C4orf51: variants seen among roughly 807,000 people sequenced by gnomAD.
The protein encoded by C4orf51 is chromosome 4 open reading frame 51.
A neutral mutation model predicts 25.2 loss-of-function variants in C4orf51; 25 were observed. The observed-to-expected ratio is 0.99, with a 90% CI of 0.72 to 1.39. C4orf51 has a LOEUF of 1.39. C4orf51 is among the 40% of genes most tolerant of loss of function. The pLI is 0.00. For missense variants in C4orf51, 252 were observed against 239.6 expected, an observed-to-expected ratio of 1.05 and a Z score of -0.34; for synonymous variants, 100 against 84.5, an observed-to-expected ratio of 1.18 and a Z score of -1.01.
chr4:145,727,996 TTA>T (rs1315989248), intron 3 of C4orf51, among the ~76,000 whole-genome samples: 9 of 131,326 alleles, frequency 6.9e-5, no homozygotes, highest in South Asian at 2.2e-4. Context: ...ATATAATATA[TTA>T]TATATATAAT....
chr4:145,696,611 C>A lies in C4orf51; in HGVS notation c.286C>A (p.Gln96Lys). ...TCATCTTCTCTGCTGGGCTGGTACCCAAGAGACTACAGATATCAAAGGTAA... is the reference window on the plus strand; with the variant it reads ...TCATCTTCTCTGCTGGGCTGGTACCAAAGAGACTACAGATATCAAAGGTAA... ...ACHLLCWAGT[Q>K]ETTDIKGLFP... The change falls in exon 2 of 6, where the codon CAA becomes AAA. Residue 96 changes from glutamine (Q) to lysine (K), a missense_variant. Transcript: ENST00000438731. 1 of 1,613,400 alleles carries A rather than the reference C, an allele frequency of 6.2e-7. No homozygotes were observed. The highest frequency in any genetic ancestry group is 8.5e-7 in the Non-Finnish European group (1 of 1,179,500).
chr4:145,723,899 G>T (rs1336319835), intron 2 of C4orf51, among the ~76,000 whole-genome samples: 1 of 152,196 alleles, frequency 6.6e-6, no homozygotes, highest in Non-Finnish European at 1.5e-5. Flanking sequence ...TCCAACATAT[G>T]TGAGCTTAAC....
chr4:145,789,249 G>GA, the C4orf51 span, among the ~76,000 whole-genome samples: 2 of 152,032 alleles, frequency 1.3e-5, no homozygotes, highest in African/African-American at 2.4e-5. Flanking sequence ...TATTATGGGG[G>GA]AAAAACAGAT....
chr4:145,715,315 C>CG (rs1349127388), intron 2 of C4orf51, among the ~76,000 whole-genome samples: 5 of 152,192 alleles, frequency 3.3e-5, no homozygotes, highest in Non-Finnish European at 5.9e-5. Flanking sequence ...TTTGCAGCCT[C>CG]CCTCACCACT....
chr4:145,697,769 G>A (rs779751193), intron 2 of C4orf51, among the ~76,000 whole-genome samples: 2 of 152,268 alleles, frequency 1.3e-5, no homozygotes, highest in East Asian at 1.9e-4. Context: ...TGATGGACAC[G>A]TAAGTTGTTT....
chr4:145,767,371 G>A (rs559346724), intron 1 of C4orf51, among the ~76,000 whole-genome samples: 10 of 152,134 alleles, frequency 6.6e-5, no homozygotes, highest in African/African-American at 2.4e-4. Context: ...AATGAAAAGA[G>A]CATCAGTGAA....
chr4:145,687,126 CAA>C (rs1729212591), intron 1 of C4orf51, among the ~76,000 whole-genome samples: 1 of 152,162 alleles, frequency 6.6e-6, no homozygotes, highest in African/African-American at 2.4e-5. Flanking sequence ...CCATTCTATT[CAA>C]AGTCACACCT....
intron 2 of C4orf51, among the ~76,000 whole-genome samples, chr4:145,700,563 T>C (rs1389123139): frequency 2.0e-5 from 3 of 152,156 alleles, no homozygotes; most frequent in Non-Finnish European, 2.9e-5. Context: ...CTTTCAATTT[T>C]TCCATCCTAC....
At position 145,741,157 on chromosome 4, in the gene C4orf51, T is replaced by C. The variant is rs191469285; in HGVS notation, n.167+8538T>C. 2.1e-3 allele frequency among the ~76,000 whole-genome samples: 316 copies of C among 152,320 alleles called. 1 individual carries two copies. The highest frequency in any genetic ancestry group is 7.1e-3 in the African/African-American group (294 of 41,560). ...CTTTGAAACTTCAAGGTTTACCTTT[T>C]AGCTGTAATATTCCGGAATTTGGTG... is the stretch of plus-strand genomic sequence containing the variant. On this transcript the variant is annotated intron_variant and non_coding_transcript_variant, in intron 1 of 1. Transcript: ENST00000508981.
intron 1 of C4orf51, among the ~76,000 whole-genome samples, chr4:145,748,376 AT>A (rs1268867879): frequency 6.6e-6 from 1 of 151,898 alleles, no homozygotes; most frequent in African/African-American, 2.4e-5. Flanking sequence ...TGTTTTCTTC[AT>A]TTCAATTTCA....
chr4:145,680,286 G>C lies in C4orf51; in HGVS notation c.83G>C (p.Arg28Pro), dbSNP rs775251545. The part of the protein sequence containing the change: ...LTSQEFDLIR[R>P]KAGASWQDET... ...TCTCAAGAGTTTGATCTGATCAGAC[G>C]CAAGGCTGGAGCATCTTGGCAGGAT... Residue 28 changes from arginine to proline, a missense_variant, in exon 1 of 6, where the codon CGC becomes CCC. Physicochemically the swap from Arg to Pro is moderately radical, Grantham distance 103 (BLOSUM62 -2). Transcript: ENST00000438731. The C allele has an allele frequency of 6.2e-7, 1 of 1,613,896 alleles. No homozygotes were observed. The highest frequency in any genetic ancestry group is 1.1e-5 in the South Asian group (1 of 91,086).
Position 145,761,098 on chromosome 4 carries a change from C to T in C4orf51, n.167-9890C>T, listed in dbSNP as rs747792211. ...AACTGACAGGGGAGACAGGAGATTC[C>T]GGGAGCTCCCGACCACCAGGAGCGG... On this transcript the variant is annotated intron_variant and non_coding_transcript_variant, in intron 1 of 1. Coordinates refer to the C4orf51 transcript ENST00000510096. The surrounding 1 kb of genome is among the most constrained non-coding windows in gnomAD (Gnocchi z 6.8). 6.0e-5 allele frequency: 77 copies of T among 1,289,430 alleles called. No homozygotes were observed. The highest frequency in any genetic ancestry group is 2.1e-4 in the Middle Eastern group (1 of 4,710). The allele number at this position is 1,289,430 out of a possible 1,614,324, so 79.9% of individuals were successfully genotyped here.
downstream of C4orf51, chr4:145,775,924 G>A: frequency 6.2e-7 from 1 of 1,614,224 alleles, no homozygotes; most frequent in Non-Finnish European, 8.5e-7. Context: ...GCACTTAGCA[G>A]CATAGGGGCA....
chr4:145,776,017 C>T (rs1398643254), downstream of C4orf51: 4 of 1,599,326 alleles, frequency 2.5e-6, no homozygotes, highest in Admixed American at 6.7e-5. Flanking sequence ...GAAGTCCCAA[C>T]ACCTTGCAAG....
At chr4:145,730,083 T>C (rs1732377057) in intron 5 of C4orf51, 118 bp downstream of exon 5, 1 of 795,676 alleles carries the variant, frequency 1.3e-6, no homozygotes, top group Non-Finnish European at 2.1e-6. Context: ...AGAGTTGGTA[T>C]AAAAGTATTC....
rs1732365980 is a variant in C4orf51 at position 145,729,906 on chromosome 4, A to G, written c.442A>G (p.Lys148Glu). The change falls in exon 5 of 6, where the codon AAG (lysine) becomes GAG (glutamate). Residue 148 changes from lysine to glutamate, a missense_variant. Lys to Glu is a moderately conservative substitution (Grantham distance 56). Coordinates refer to ENST00000438731, the MANE Select transcript of C4orf51 (RefSeq NM_001080531.3). ...NYGKYCVRPK[K>E]PAQEALINYS... ...CTTCACCCTAGGTGTGAGACCTAAA[A>G]AGCCAGCACAGGAGGCCCTGATAAA... 2 of 1,613,780 alleles carry G rather than the reference A, an allele frequency of 1.2e-6. No individual in the cohort carries two copies. The highest frequency in any genetic ancestry group is 2.7e-5 in the African/African-American group (2 of 74,928).
At chr4:145,779,296 G>A in the C4orf51 span, 1 of 1,527,994 alleles carries the variant, frequency 6.5e-7, no homozygotes, top group Non-Finnish European at 8.8e-7. Flanking sequence ...GCCTCTCTTA[G>A]AGAAACTCAG....
At chr4:145,787,407 A>T in the C4orf51 span, among the ~76,000 whole-genome samples, 1 of 147,646 alleles carries the variant, frequency 6.8e-6, no homozygotes, top group East Asian at 2.0e-4. Context: ...GATTGCAGTG[A>T]GCTGAGACCA....
At chr4:145,733,892 G>T (rs1732655041), downstream of C4orf51, among the ~76,000 whole-genome samples, 1 of 152,176 alleles carries the variant, frequency 6.6e-6, no homozygotes, top group Non-Finnish European at 1.5e-5. Flanking sequence ...TTTAGGTTCC[G>T]AGTCTAGTAC....
Sources: gnomAD v4.1 joint callset for allele counts (sites outside exome capture counted in the v4.1 genomes callset) on GRCh38, gnomAD v4.1.1 for gene constraint, Gnocchi (gnomAD v3.1) non-coding constraint, MANE v1.5 for transcripts, NCBI Gene and HGNC (gene_info 2026-07-23, HGNC 2026-07-21) for gene names.